Variants in EPS8 observed in about 807,000 individuals in gnomAD.
The protein encoded by EPS8 is EGFR pathway substrate 8, signaling adaptor.
In EPS8, 42 loss-of-function variants were observed where a neutral mutation model predicts 103.8. That is an observed-to-expected ratio of 0.40 (90% CI 0.32 to 0.52). The LOEUF (loss-of-function observed/expected upper bound fraction) is 0.52, where lower values mean the gene tolerates loss of function less well. EPS8 is among the 20% of genes least tolerant of loss of function. The probability of loss-of-function intolerance (pLI) is 0.40; values close to 1 mark genes in which losing one functional copy is unlikely to be tolerated. For missense variants in EPS8, 969 were observed against 1,005.1 expected, an observed-to-expected ratio of 0.96 and a Z score of 0.49; for synonymous variants, 344 against 344.6, an observed-to-expected ratio of 1.00 and a Z score of 0.02.
rs140123946 is a variant in EPS8, at chr12:15,760,018, A to G, written c.-22+29143T>C. Among the ~76,000 whole-genome samples, 438 of 152,094 alleles carry G rather than the reference A, an allele frequency of 2.9e-3. 3 individuals carry two copies. Among genetic ancestry groups the G allele is most frequent in the Middle Eastern group, 0.017 (5 of 294 alleles). ...AGAAAATATAAAAAAAATCAATGAA[A>G]CTAAAAGTTGGTTTTCTAAATAAAC... On this transcript the variant is annotated intron_variant, in intron 1 of 20. Coordinates refer to ENST00000281172, the MANE Select transcript of EPS8 (RefSeq NM_004447.6). This position sits in a 1 kb window ranked among gnomAD's most constrained non-coding sequence, Gnocchi z 4.5.
Position 15,654,286 on chromosome 12 carries a change from T to C in EPS8, c.1109A>G (p.Gln370Arg). The change falls in exon 13 of 21, where the codon CAG (glutamine) becomes CGG (arginine). Residue 370 changes from glutamine to arginine, a missense_variant. Gln to Arg is a conservative substitution (Grantham distance 43). Coordinates refer to ENST00000281172, the MANE Select transcript of EPS8 (RefSeq NM_004447.6). ...GGCTAGTTCAGGACCTCCTGTTGCC[T>C]GCACCACCTAAGATAATAAACCATT... is the stretch of plus-strand genomic sequence containing the variant. ...FLFTPLNMVV[Q>R]ATGGPELASS... 1 of 1,613,018 alleles carries C rather than the reference T, an allele frequency of 6.2e-7. No individual in the cohort carries two copies. Among genetic ancestry groups the C allele is most frequent in the Non-Finnish European group, 8.5e-7 (1 of 1,179,458 alleles).
chr12:15,720,596 T>C (rs958271133), intron 1 of EPS8, among the ~76,000 whole-genome samples: 54 of 152,294 alleles, frequency 3.5e-4, no homozygotes, highest in African/African-American at 1.3e-3. Flanking sequence ...ACAAATGGGG[T>C]GTTCCTTAAA....
In EPS8 at chr12:15,771,169, G is replaced by A. The variant is rs1565537915; in HGVS notation, c.-22+17992C>T. ...AGACCTTAACTGATGGATTCGATTT[G>A]TATATAGAGATAAATTAAAAAGTTA... On this transcript the variant is annotated intron_variant, in intron 1 of 20. Transcript: ENST00000281172. The surrounding 1 kb of genome is among the most constrained non-coding windows in gnomAD (Gnocchi z 4.6). Among the ~76,000 whole-genome samples the A allele has an allele frequency of 6.6e-6, 1 of 152,196 alleles. No individual in the cohort carries two copies. Among genetic ancestry groups the A allele is most frequent in the Admixed American group, 6.5e-5 (1 of 15,276 alleles).
At chr12:15,689,043 C>T (rs977731323) in intron 1 of EPS8, among the ~76,000 whole-genome samples, 3 of 151,996 alleles carry the variant, frequency 2.0e-5, no homozygotes, top group African/African-American at 4.8e-5. Flanking sequence ...GCATGCCCTG[C>T]GAGGGGGACA....
chr12:15,754,106 C>G (rs1444740111), intron 1 of EPS8, among the ~76,000 whole-genome samples: 1 of 152,180 alleles, frequency 6.6e-6, no homozygotes, highest in Non-Finnish European at 1.5e-5. Context: ...CCAATGGACA[C>G]TCTTTGGGTT....
At position 15,690,645 on chromosome 12, in the gene EPS8, G is replaced by A. The variant is rs74063345; in HGVS notation, c.-21-7673C>T. ...AATGGCCAGCAGAATGATTATATGG[G>A]GGAATGTAATTGCTTTCTAACAGAA... On this transcript the variant is annotated intron_variant, in intron 1 of 20. Coordinates refer to ENST00000281172, the MANE Select transcript of EPS8 (RefSeq NM_004447.6). The surrounding 1 kb of genome is among the most constrained non-coding windows in gnomAD (Gnocchi z 4.7). Among the ~76,000 whole-genome samples, 580 of 152,222 alleles carry A rather than the reference G, an allele frequency of 3.8e-3. No individual in the cohort carries two copies. Among genetic ancestry groups the A allele is most frequent in the African/African-American group, 0.013 (538 of 41,530 alleles).
rs1946162229 is a variant in EPS8 at position 15,690,911 on chromosome 12, GA to G, written c.-21-7940del. ...CAGTCCTAATAGGCTGCTAGAAAGT[GA>G]TGCAATAAAGAAGAGTCAAGACCAA... On this transcript the variant is annotated intron_variant, in intron 1 of 20. Transcript: ENST00000281172. The surrounding 1 kb of genome is among the most constrained non-coding windows in gnomAD (Gnocchi z 4.7). 6.6e-6 allele frequency among the ~76,000 whole-genome samples: 1 copy of G among 151,984 alleles called. No homozygotes were observed. Among genetic ancestry groups the G allele is most frequent in the Non-Finnish European group, 1.5e-5 (1 of 68,014 alleles).
chr12:15,729,522 C>T (rs1258663465), intron 1 of EPS8, among the ~76,000 whole-genome samples: 1 of 152,066 alleles, frequency 6.6e-6, no homozygotes, highest in Non-Finnish European at 1.5e-5. Context: ...TTTCATTAGC[C>T]CTCTCCAATC....
Position 15,647,107 on chromosome 12 carries a change from G to A in EPS8, c.1568+20C>T, listed in dbSNP as rs372324276. 3.7e-5 allele frequency: 60 copies of A among 1,608,232 alleles called. No homozygotes were observed. The highest frequency in any genetic ancestry group is 4.5e-5 in the Non-Finnish European group (53 of 1,177,142). Reference sequence around the variant, plus strand: ...AGACATTTATCCACAGCTCTCCAAAGGGTGCCCATTAAATGTTACCTATCT... The same window carrying A: ...AGACATTTATCCACAGCTCTCCAAAAGGTGCCCATTAAATGTTACCTATCT... On this transcript the variant is annotated intron_variant, in intron 15 of 20. Transcript: ENST00000281172.
chr12:15,741,237 G>C (rs947724580), intron 1 of EPS8, among the ~76,000 whole-genome samples: 1 of 152,104 alleles, frequency 6.6e-6, no homozygotes, highest in East Asian at 1.9e-4. Context: ...AGTCCAATGG[G>C]GTAACAGAGC....
At chr12:15,707,150 A>C (rs1272087621) in intron 1 of EPS8, among the ~76,000 whole-genome samples, 1 of 152,152 alleles carries the variant, frequency 6.6e-6, no homozygotes, top group African/African-American at 2.4e-5. Context: ...ACCTAATCCA[A>C]TTTCCTAAAA....
rs1039605688 is a variant in EPS8, at chr12:15,769,499, C to A, written c.-22+19662G>T. On this transcript the variant is annotated intron_variant, in intron 1 of 20. Transcript: ENST00000281172. This position sits in a 1 kb window ranked among gnomAD's most constrained non-coding sequence, Gnocchi z 4.6. ...TTATTACTCAACTTTGGAAAAATTA[C>A]ACAAATATAAGACGCTCTTGTTGGC... 1.3e-5 allele frequency among the ~76,000 whole-genome samples: 2 copies of A among 152,086 alleles called. No individual in the cohort carries two copies. The highest frequency in any genetic ancestry group is 4.8e-5 in the African/African-American group (2 of 41,406).
intron 17 of EPS8, among the ~76,000 whole-genome samples, chr12:15,636,180 C>T (rs1208869556): frequency 2.0e-5 from 3 of 152,062 alleles, no homozygotes. Flanking sequence ...AAGTAGCTTC[C>T]AGGTGGGGAG....
At chr12:15,649,635 A>G (rs1290665751) in intron 14 of EPS8, among the ~76,000 whole-genome samples, 1 of 152,162 alleles carries the variant, frequency 6.6e-6, no homozygotes, top group African/African-American at 2.4e-5. Flanking sequence ...AAAAAATTGC[A>G]TTAGGAAAAA....
intron 1 of EPS8, among the ~76,000 whole-genome samples, chr12:15,710,849 A>G (rs1457216627): frequency 6.6e-6 from 1 of 152,092 alleles, no homozygotes; most frequent in Non-Finnish European, 1.5e-5. Flanking sequence ...TATTTATACA[A>G]TTCAACTACA....
At position 15,745,814 on chromosome 12, in the gene EPS8, T is replaced by A. The variant is rs1946870020; in HGVS notation, c.-22+43347A>T. Among the ~76,000 whole-genome samples, 1 of 152,224 alleles carries A rather than the reference T, an allele frequency of 6.6e-6. No individual in the cohort carries two copies. ...ATTATATGTGGTTTCCCAGTACATG[T>A]AAGTTTAAAACAACAAAGGATGAAT... On this transcript the variant is annotated intron_variant, in intron 1 of 20. Coordinates refer to ENST00000281172, the MANE Select transcript of EPS8 (RefSeq NM_004447.6). The surrounding 1 kb of genome is among the most constrained non-coding windows in gnomAD (Gnocchi z 4.6).
At chr12:15,640,903 G>C (rs1945217194) in intron 16 of EPS8, 57 bp from the exon 17 acceptor site, 1 of 1,553,536 alleles carries the variant, frequency 6.4e-7, no homozygotes, top group South Asian at 1.2e-5. Flanking sequence ...TTCTACGAAA[G>C]AAGTTCCCTA....
At chr12:15,722,966 A>G (rs1332038536) in intron 1 of EPS8, among the ~76,000 whole-genome samples, 1 of 151,310 alleles carries the variant, frequency 6.6e-6, no homozygotes, top group Non-Finnish European at 1.5e-5. Context: ...TTTTTCTGCT[A>G]TCTCACACTC....
At chr12:15,699,487 A>G (rs1318545149) in intron 1 of EPS8, among the ~76,000 whole-genome samples, 1 of 152,198 alleles carries the variant, frequency 6.6e-6, no homozygotes, top group Admixed American at 6.5e-5. Context: ...GCAGGATCAT[A>G]TATTTAAGAG....
Sources: allele counts gnomAD v4.1 joint callset (sites outside exome capture counted in the v4.1 genomes callset), GRCh38; gene constraint gnomAD v4.1.1; non-coding constraint Gnocchi (gnomAD v3.1); transcripts MANE v1.5; gene names NCBI Gene and HGNC (gene_info 2026-07-23, HGNC 2026-07-21).